The following LRRC49 variants were observed in gnomAD, a reference collection of about 807,000 sequenced individuals.
LRRC49 encodes leucine rich repeat containing 49, also known as leucine-rich repeat-containing protein 49.
In LRRC49, 50 loss-of-function variants were observed where a neutral mutation model predicts 83.3. That is an observed-to-expected ratio of 0.60 (90% CI 0.48 to 0.76). LRRC49 has a LOEUF of 0.76. Among genes scored for constraint, LRRC49 ranks in the 30% least tolerant of loss-of-function variants. The pLI, the probability that LRRC49 is intolerant of heterozygous loss-of-function variation, is 0.00. For synonymous variants in LRRC49, 286 were observed against 283.3 expected, an observed-to-expected ratio of 1.01 and a Z score of -0.10; for missense variants, 704 against 809.1, an observed-to-expected ratio of 0.87 and a Z score of 1.58.
chr15:70,964,041 G>C, intron 9 of LRRC49, 109 bp downstream of exon 9: 1 of 1,086,016 alleles, frequency 9.2e-7, no homozygotes, highest in Non-Finnish European at 1.3e-6. Flanking sequence ...TGAACTATGG[G>C]TTATCATGAT....
chr15:71,012,852 G>GC lies in LRRC49; in HGVS notation c.1643dup (p.His549ThrfsTer6). On this transcript the variant is annotated frameshift_variant, in exon 14 of 16. Coordinates refer to ENST00000260382, the MANE Select transcript of LRRC49 (RefSeq NM_017691.5). LOFTEE classifies it high-confidence loss of function. ...GGCTGAAAGGCTCTTTGGAATCCTA[G>GC]CACATGTAGCATCTTCTGAGTTACC... 6.2e-7 allele frequency: 1 copy of GC among 1,613,216 alleles called. No individual in the cohort carries two copies. The highest frequency in any genetic ancestry group is 8.5e-7 in the Non-Finnish European group (1 of 1,179,444).
At chr15:71,047,116 T>C (rs1299918991) in intron 15 of LRRC49, among the ~76,000 whole-genome samples, 4 of 152,246 alleles carry the variant, frequency 2.6e-5, no homozygotes, top group Non-Finnish European at 5.9e-5. Flanking sequence ...TGAAGTCAGA[T>C]AGCATAATGC....
intron 1 of LRRC49, among the ~76,000 whole-genome samples, chr15:70,857,509 A>G (rs1296323897): frequency 6.6e-6 from 1 of 152,184 alleles, no homozygotes; most frequent in Admixed American, 6.5e-5. Flanking sequence ...AAGGAAAAAA[A>G]AAGGGGTCTG....
At chr15:70,982,819 C>T (rs2037452319) in intron 10 of LRRC49, among the ~76,000 whole-genome samples, 1 of 152,178 alleles carries the variant, frequency 6.6e-6, no homozygotes, top group Non-Finnish European at 1.5e-5. Flanking sequence ...ACTTTTAAAA[C>T]TTTAGTTTTA....
At chr15:70,889,158 T>C (rs542549330), upstream of LRRC49, among the ~76,000 whole-genome samples, 1 of 152,316 alleles carries the variant, frequency 6.6e-6, no homozygotes, top group South Asian at 2.1e-4. Context: ...GTATCACTTA[T>C]GATAGCCCCA....
chr15:70,894,851 C>A (rs2033762989), intron 2 of LRRC49: 1 of 189,746 alleles, frequency 5.3e-6, no homozygotes, highest in Non-Finnish European at 1.1e-5. Flanking sequence ...ATGGTAAACA[C>A]TCAGAAAATA....
At chr15:70,996,282 T>C (rs1324310941) in intron 11 of LRRC49, among the ~76,000 whole-genome samples, 1 of 152,162 alleles carries the variant, frequency 6.6e-6, no homozygotes, top group Non-Finnish European at 1.5e-5. Context: ...TTTGTAGTTA[T>C]CTGATTCCTT....
At chr15:70,976,709 T>C (rs2037218933) in intron 9 of LRRC49, among the ~76,000 whole-genome samples, 1 of 152,092 alleles carries the variant, frequency 6.6e-6, no homozygotes, top group South Asian at 2.1e-4. Flanking sequence ...AACTTATTTA[T>C]TTTTTTATTT....
chr15:70,856,219 G>A (rs574449582), intron 1 of LRRC49, among the ~76,000 whole-genome samples: 8 of 152,266 alleles, frequency 5.3e-5, no homozygotes, highest in East Asian at 1.9e-4. Context: ...AATCTGGGCT[G>A]TAGAAGCGTT....
intron 1 of LRRC49, among the ~76,000 whole-genome samples, chr15:70,864,005 A>G (rs1320743974): frequency 2.0e-5 from 3 of 152,126 alleles, no homozygotes; most frequent in African/African-American, 7.2e-5. Context: ...AGTTGTGCCC[A>G]GGGAAGTGCC....
At chr15:70,928,607 G>C (rs934644453) in intron 7 of LRRC49, among the ~76,000 whole-genome samples, 1 of 151,208 alleles carries the variant, frequency 6.6e-6, no homozygotes, top group Admixed American at 6.6e-5. Flanking sequence ...CACTCTTGTT[G>C]CCTATGCTGG....
At chr15:71,042,842 A>G (rs1325735425) in intron 15 of LRRC49, among the ~76,000 whole-genome samples, 1 of 152,190 alleles carries the variant, frequency 6.6e-6, no homozygotes. Context: ...TAGATGAGGA[A>G]AACTGGAAAC....
intron 5 of LRRC49, among the ~76,000 whole-genome samples, chr15:70,910,010 T>G (rs929236713): frequency 6.6e-6 from 1 of 151,852 alleles, no homozygotes; most frequent in African/African-American, 2.4e-5. Flanking sequence ...AGTGAAAGAG[T>G]CCAGTGAGTC....
intron 8 of LRRC49, among the ~76,000 whole-genome samples, chr15:70,961,353 A>G (rs1049751604): frequency 6.6e-6 from 1 of 152,210 alleles, no homozygotes; most frequent in Non-Finnish European, 1.5e-5. Context: ...TACAAAGCTA[A>G]AATAAACATA....
intron 9 of LRRC49, among the ~76,000 whole-genome samples, chr15:70,975,138 C>T (rs2037161398): frequency 6.6e-6 from 1 of 152,080 alleles, no homozygotes; most frequent in Non-Finnish European, 1.5e-5. Context: ...TCAGATTACA[C>T]CTGAACTATT....
intron 14 of LRRC49, among the ~76,000 whole-genome samples, chr15:71,024,493 C>T (rs1359181957): frequency 3.3e-5 from 5 of 152,008 alleles, no homozygotes; most frequent in Non-Finnish European, 7.4e-5. Flanking sequence ...CTGGAGTGGA[C>T]CCCCCACAAA....
At chr15:70,950,854 A>T (rs894144998) in intron 8 of LRRC49, among the ~76,000 whole-genome samples, 2 of 151,938 alleles carry the variant, frequency 1.3e-5, no homozygotes, top group African/African-American at 2.4e-5. Context: ...CCAGAATGGT[A>T]TTTACTTGGT....
At chr15:70,879,485 T>G (rs2033218172) in intron 2 of LRRC49, among the ~76,000 whole-genome samples, 1 of 152,276 alleles carries the variant, frequency 6.6e-6, no homozygotes, top group Non-Finnish European at 1.5e-5. Flanking sequence ...TTTTAACAGC[T>G]GGTTAACTTG....
chr15:70,999,243 T>C (rs192691703), intron 11 of LRRC49, among the ~76,000 whole-genome samples: 161 of 152,312 alleles, frequency 1.1e-3, no homozygotes, highest in African/African-American at 3.7e-3. Context: ...ATGCATCATA[T>C]TTTTTGTTGA....
Sources: gnomAD v4.1 joint callset for allele counts (sites outside exome capture counted in the v4.1 genomes callset) on GRCh38, gnomAD v4.1.1 for gene constraint, MANE v1.5 for transcripts, NCBI Gene and HGNC (gene_info 2026-07-23, HGNC 2026-07-21) for gene names.